MTMR1: variants seen among roughly 807,000 people sequenced by gnomAD.
MTMR1 encodes the protein myotubularin related protein 1.
Under a neutral mutation model 51.6 loss-of-function variants are expected in MTMR1, and 17 were observed. That is an observed-to-expected ratio of 0.33 (90% CI 0.23 to 0.49). MTMR1 has a LOEUF of 0.49. Ranked by LOEUF, MTMR1 falls within the 20% of genes least tolerant of loss-of-function variation. MTMR1 has a pLI of 0.99. For missense variants in MTMR1, 386 were observed against 526.9 expected, an observed-to-expected ratio of 0.73 and a Z score of 2.62; for synonymous variants, 201 against 205.6, an observed-to-expected ratio of 0.98 and a Z score of 0.19.
intron 6 of MTMR1, among the ~76,000 whole-genome samples, chrX:150,728,792 C>G (rs1323713742): frequency 9.1e-6 from 1 of 110,340 alleles, no homozygotes; most frequent in Admixed American, 9.6e-5. Context: ...GGATTCCTTA[C>G]AATCTATTTA....
At chrX:150,717,024 C>T (rs1318314461) in intron 3 of MTMR1, among the ~76,000 whole-genome samples, 1 of 111,090 alleles carries the variant, frequency 9.0e-6, no homozygotes, top group Non-Finnish European at 1.9e-5. Flanking sequence ...CGCCCTCTTG[C>T]GGATTCGGTG....
chrX:150,712,302 A>T (rs1557416244), intron 2 of MTMR1, 40 bp from the exon 3 acceptor site: 1 of 1,139,442 alleles, frequency 8.8e-7, no homozygotes, highest in South Asian at 1.9e-5. Flanking sequence ...GTCAATAGTA[A>T]CATGTCCATG....
chrX:150,749,974 G>A (rs782036467), intron 13 of MTMR1, among the ~76,000 whole-genome samples: 4 of 110,772 alleles, frequency 3.6e-5, no homozygotes, highest in African/African-American at 1.3e-4. Context: ...AAAATTAGTC[G>A]GGCGTGGTGG....
chrX:150,713,267 T>C (rs1262590431), intron 3 of MTMR1, among the ~76,000 whole-genome samples: 4 of 112,199 alleles, frequency 3.6e-5, no homozygotes, highest in Non-Finnish European at 7.5e-5. Context: ...GTTGTATTTT[T>C]TGTTCATTGA....
chrX:150,717,924 C>CT (rs1167944849), intron 3 of MTMR1, among the ~76,000 whole-genome samples: 19 of 113,142 alleles, frequency 1.7e-4, no homozygotes, highest in Middle Eastern at 4.6e-3. Flanking sequence ...AAACACCCTG[C>CT]TCCGCAGCAG....
At chrX:150,695,931 G>A (rs73620699) in intron 1 of MTMR1, among the ~76,000 whole-genome samples, 1 of 111,707 alleles carries the variant, frequency 9.0e-6, no homozygotes, top group Non-Finnish European at 1.9e-5. Flanking sequence ...CAGATGTGAG[G>A]GGGGAGTGCC....
intron 15 of MTMR1, among the ~76,000 whole-genome samples, chrX:150,757,080 C>T (rs190919145): frequency 4.4e-5 from 5 of 112,838 alleles, no homozygotes; most frequent in African/African-American, 1.3e-4. Context: ...CCTCTCCATC[C>T]TCCTGCTCCC....
intron 9 of MTMR1, 83 bp downstream of exon 9, chrX:150,731,702 T>G: frequency 1.1e-6 from 1 of 891,175 alleles, no homozygotes; most frequent in Non-Finnish European, 1.5e-6. Context: ...AAAAAGAAAC[T>G]AGTGAACAAA....
At chrX:150,731,746 A>C in intron 9 of MTMR1, 127 bp downstream of exon 9, 2 of 538,395 alleles carry the variant, frequency 3.7e-6, no homozygotes, top group Non-Finnish European at 5.5e-6. Context: ...TATAAACCTG[A>C]ACATACCTTT....
Position 150,711,980 on chromosome X carries a change from G to A in MTMR1, c.253-362G>A, listed in dbSNP as rs192604272. ...TTTTTTTTTTATCATTGGTTTTTGG[G>A]GAAAATGCATTCAGTATTCCAAATG... On this transcript the variant is annotated intron_variant, in intron 2 of 15. Transcript: ENST00000445323. Among the ~76,000 whole-genome samples the A allele has an allele frequency of 1.1e-3, 116 of 110,470 alleles. 1 individual carries two copies. Among genetic ancestry groups the A allele is most frequent in the African/African-American group, 3.6e-3 (110 of 30,277 alleles).
rs1242698286 is a variant in MTMR1, at chrX:150,706,235, C to T, written c.253-6107C>T. 7.2e-5 allele frequency among the ~76,000 whole-genome samples: 8 copies of T among 111,261 alleles called. No homozygotes were observed. In the East Asian group the frequency reaches 1.4e-3, roughly 20 times the overall value. On this transcript the variant is annotated intron_variant, in intron 2 of 15. Transcript: ENST00000445323. ...TGATGACCATATCTAATCCCAATTACGTTCCAAAGGCCTTACCTTCAGGCA... is the reference window on the plus strand; with the variant it reads ...TGATGACCATATCTAATCCCAATTATGTTCCAAAGGCCTTACCTTCAGGCA...
chrX:150,717,662 T>C lies in MTMR1; in HGVS notation c.277-963T>C, dbSNP rs149249990. ...GAGTTCAGGCTTTGGTCCCTAGCTTTGTAGTTCAAGAACACCATTTTCTCA... is the reference window on the plus strand; with the variant it reads ...GAGTTCAGGCTTTGGTCCCTAGCTTCGTAGTTCAAGAACACCATTTTCTCA... On this transcript the variant is annotated intron_variant, in intron 3 of 15. Transcript: ENST00000445323. Among the ~76,000 whole-genome samples the C allele has an allele frequency of 4.7e-3, 524 of 110,903 alleles. 1 individual carries two copies. The highest frequency in any genetic ancestry group is 0.016 in the African/African-American group (496 of 30,457).
intron 12 of MTMR1, among the ~76,000 whole-genome samples, chrX:150,740,713 G>T (rs2148646944): frequency 9.0e-6 from 1 of 111,274 alleles, no homozygotes; most frequent in Admixed American, 9.6e-5. Flanking sequence ...AATTTATTTG[G>T]CTCACGATTC....
intron 6 of MTMR1, among the ~76,000 whole-genome samples, chrX:150,728,423 T>A (rs1395541245): frequency 3.6e-5 from 4 of 112,006 alleles, no homozygotes; most frequent in African/African-American, 1.3e-4. Context: ...ACCAATACAT[T>A]TCCCCAGTTT....
At chrX:150,721,555 AT>A (rs782354525) in intron 4 of MTMR1, among the ~76,000 whole-genome samples, 55 of 111,606 alleles carry the variant, frequency 4.9e-4, no homozygotes, top group African/African-American at 1.7e-3. Flanking sequence ...TTGTCAAATG[AT>A]TGTCATAAAG....
chrX:150,737,222 T>C lies in MTMR1; in HGVS notation c.1267-20T>C, dbSNP rs1557417203. ...TGAAATTCAATGTAGCCTGGTCTAATGTGCCTTTTTTTTCTGAAGATGCTG... is the reference window on the plus strand; with the variant it reads ...TGAAATTCAATGTAGCCTGGTCTAACGTGCCTTTTTTTTCTGAAGATGCTG... On this transcript the variant is annotated intron_variant, in intron 11 of 15. Transcript: ENST00000445323. The C allele has an allele frequency of 8.4e-7, 1 of 1,188,344 alleles. No individual in the cohort carries two copies. Among genetic ancestry groups the C allele is most frequent in the Non-Finnish European group, 1.1e-6 (1 of 875,557 alleles).
At chrX:150,762,392 T>C (rs2043168354) in intron 15 of MTMR1, among the ~76,000 whole-genome samples, 173 bp from the exon 16 acceptor site, 2 of 112,057 alleles carry the variant, frequency 1.8e-5, no homozygotes, top group Non-Finnish European at 3.8e-5. Context: ...CCAAAGCTCA[T>C]GGGATGGGGT....
chrX:150,703,564 C>G (rs1557415996), intron 2 of MTMR1, among the ~76,000 whole-genome samples: 1 of 112,023 alleles, frequency 8.9e-6, no homozygotes, highest in African/African-American at 3.3e-5. Flanking sequence ...TGGCCTTATA[C>G]TAAGTTTAAT....
intron 1 of MTMR1, 124 bp downstream of exon 1, chrX:150,693,800 C>T: frequency 2.3e-6 from 1 of 432,905 alleles, no homozygotes; most frequent in South Asian, 1.2e-4. Flanking sequence ...GGCGGCCCCT[C>T]TTCATCCCCT....
Sources: allele counts gnomAD v4.1 joint callset (sites outside exome capture counted in the v4.1 genomes callset), GRCh38; gene constraint gnomAD v4.1.1; transcripts MANE v1.5; gene names NCBI Gene and HGNC (gene_info 2026-07-23, HGNC 2026-07-21).